Variants in FREM1 observed in about 807,000 individuals in gnomAD.
FREM1 encodes FRAS1-related extracellular matrix protein 1.
Under a neutral mutation model 210.1 loss-of-function variants are expected in FREM1, and 220 were observed. That is an observed-to-expected ratio of 1.05 (90% CI 0.94 to 1.17). The LOEUF is 1.17. Among genes scored for constraint, FREM1 ranks in the 50% most tolerant of loss-of-function variants. The pLI is 0.00. For synonymous variants in FREM1, 1,189 were observed against 980.2 expected, an observed-to-expected ratio of 1.21 and a Z score of -3.98; for missense variants, 3,454 against 2,675.5, an observed-to-expected ratio of 1.29 and a Z score of -6.42.
At position 14,868,733 on chromosome 9, in the gene FREM1, A is replaced by G. The variant is rs768872752; in HGVS notation, c.234+11T>C. On this transcript the variant is annotated intron_variant, in intron 2 of 36. Coordinates refer to ENST00000380880, the MANE Select transcript of FREM1 (RefSeq NM_001379081.2). ...CACACGACTGAACAGAAAATCGCAG[A>G]TAGGACCTACCTGTGGAGTGAGTTT... The G allele has an allele frequency of 3.4e-5, 53 of 1,560,872 alleles. No individual in the cohort carries two copies. The highest frequency in any genetic ancestry group is 2.6e-5 in the Non-Finnish European group (29 of 1,136,692).
chr9:14,812,050 T>C (rs763328681), intron 16 of FREM1, among the ~76,000 whole-genome samples: 2 of 152,172 alleles, frequency 1.3e-5, no homozygotes, highest in Non-Finnish European at 2.9e-5. Context: ...TGTGATGATG[T>C]GCAGTGTGTC....
In FREM1 at chr9:14,842,621, G is replaced by A. The variant is rs1825881686; in HGVS notation, c.1433C>T (p.Ala478Val). The change falls in exon 9 of 37, where the codon GCT becomes GTT. Residue 478 changes from alanine (A) to valine (V), a missense_variant. Ala to Val is a moderately conservative substitution (Grantham distance 64, BLOSUM62 0). Coordinates refer to ENST00000380880, the MANE Select transcript of FREM1 (RefSeq NM_001379081.2). ...GFLFTVADLQAGVVRYHHDDS... is the reference protein window; with the variant it reads ...GFLFTVADLQVGVVRYHHDDS... ...ATCATGATGATAGCGAACAACTCCA[G>A]CCTGGAGGTCAGCCACGGTGAAGAG... The A allele has an allele frequency of 9.3e-6, 15 of 1,613,896 alleles. No individual in the cohort carries two copies. The highest frequency in any genetic ancestry group is 1.1e-5 in the Non-Finnish European group (13 of 1,179,830).
chr9:14,760,116 A>G (rs1236706283), intron 27 of FREM1, among the ~76,000 whole-genome samples: 1 of 152,260 alleles, frequency 6.6e-6, no homozygotes, highest in East Asian at 1.9e-4. Context: ...AGACAGAGCA[A>G]GGATTAGAAT....
At chr9:14,841,619 T>C in intron 9 of FREM1, 30 bp from the exon 10 acceptor site, 2 of 1,527,260 alleles carry the variant, frequency 1.3e-6, no homozygotes, top group East Asian at 2.3e-5. Flanking sequence ...CCACATACTT[T>C]TGTACAAGCC....
chr9:14,755,901 G>C (rs1240469383), intron 29 of FREM1, among the ~76,000 whole-genome samples: 1 of 152,124 alleles, frequency 6.6e-6, no homozygotes, highest in African/African-American at 2.4e-5. Context: ...TTAAAACAAA[G>C]TAAGTGCTAC....
At chr9:14,860,490 A>T (rs1037616190) in intron 3 of FREM1, among the ~76,000 whole-genome samples, 1 of 149,348 alleles carries the variant, frequency 6.7e-6, no homozygotes, top group African/African-American at 2.5e-5. Flanking sequence ...TTTCTTTTTT[A>T]AATTTATTTT....
Position 14,792,272 on chromosome 9 carries a change from G to GCACACACACACA in FREM1, c.3981+459_3981+470dup, listed in dbSNP as rs34037291. On this transcript the variant is annotated intron_variant, in intron 22 of 36. Transcript: ENST00000380880. ...GAAATACACACACCCACACACACAC[G>GCACACACACACA]CACACACACACACACACACACACAC... is the stretch of plus-strand genomic sequence containing the variant. Among the ~76,000 whole-genome samples the GCACACACACACA allele has an allele frequency of 2.3e-3, 328 of 142,274 alleles. 1 individual carries two copies. The highest frequency in any genetic ancestry group is 8.1e-3 in the African/African-American group (303 of 37,406). The allele number at this position is 142,274 out of a possible 152,430, so 93.3% of individuals were successfully genotyped here. A position where few individuals can be genotyped will look rare whatever the true frequency, so the allele number is the denominator to read the frequency against.
At chr9:14,869,901 C>T (rs1435368472) in intron 1 of FREM1, among the ~76,000 whole-genome samples, 1 of 152,200 alleles carries the variant, frequency 6.6e-6, no homozygotes, top group Non-Finnish European at 1.5e-5. Context: ...AATGACACAG[C>T]ATATGGACAT....
At chr9:14,830,255 T>C (rs937177393) in intron 10 of FREM1, among the ~76,000 whole-genome samples, 5 of 152,174 alleles carry the variant, frequency 3.3e-5, no homozygotes, top group African/African-American at 1.2e-4. Flanking sequence ...AGCCTGAATA[T>C]GAAGACCAAG....
Position 14,780,433 on chromosome 9 carries a change from G to GAAAAGAAAAAAAAAAAA in FREM1, c.4442+3936_4442+3937insTTTTTTTTTTTTCTTTT, listed in dbSNP as rs1849463817. ...AATCATAAATAGCGCCAGCTCCTCA[G>GAAAAGAAAAAAAAAAAA]AAAAAAAAAAAAAAAAAGTCCAGCC... On this transcript the variant is annotated intron_variant, in intron 24 of 36. Coordinates refer to ENST00000380880, the MANE Select transcript of FREM1 (RefSeq NM_001379081.2). 9.8e-5 allele frequency among the ~76,000 whole-genome samples: 8 copies of GAAAAGAAAAAAAAAAAA among 81,536 alleles called. 1 individual carries two copies. Among genetic ancestry groups the GAAAAGAAAAAAAAAAAA allele is most frequent in the Non-Finnish European group, 2.0e-4 (8 of 39,162 alleles). The allele number at this position is 81,536 out of a possible 152,430, so 53.5% of individuals were successfully genotyped here.
At chr9:14,813,966 C>A (rs982183735) in intron 15 of FREM1, among the ~76,000 whole-genome samples, 2 of 152,208 alleles carry the variant, frequency 1.3e-5, no homozygotes, top group African/African-American at 4.8e-5. Context: ...GCTAGTATTT[C>A]TCTGGCCTTA....
chr9:14,871,746 T>C (rs1832721405), intron 1 of FREM1, among the ~76,000 whole-genome samples: 1 of 152,028 alleles, frequency 6.6e-6, no homozygotes, highest in Non-Finnish European at 1.5e-5. Context: ...ATGTCCTGAA[T>C]GGTAATACCT....
intron 27 of FREM1, among the ~76,000 whole-genome samples, chr9:14,765,394 T>G (rs1321478568): frequency 6.6e-6 from 1 of 152,234 alleles, no homozygotes; most frequent in Admixed American, 6.5e-5. Context: ...GGTCAGTTAC[T>G]CAGTCTCTCT....
At position 14,746,414 on chromosome 9, in the gene FREM1, G is replaced by C. The variant is rs1180392360; in HGVS notation, c.6193C>G (p.His2065Asp). Residue 2065 changes from histidine to aspartate, a missense_variant, in exon 35 of 37, where the codon CAC becomes GAC. His to Asp is a moderately conservative substitution (Grantham distance 81). Transcript: ENST00000380880. Reference protein sequence around the residue: ...AGWHQHSGYCHILITEQKGTW... With the variant: ...AGWHQHSGYCDILITEQKGTW... The stretch of plus-strand genomic sequence containing the variant: ...CCTTTCTGCTCTGTGATCAAGATGT[G>C]ACAGTAGCCTGAGTGCTGGTGCCAC... The C allele has an allele frequency of 1.2e-6, 2 of 1,613,902 alleles. No individual in the cohort carries two copies. Among genetic ancestry groups the C allele is most frequent in the Non-Finnish European group, 1.7e-6 (2 of 1,179,792 alleles).
chr9:14,756,440 G>C lies in FREM1; in HGVS notation c.5341C>G (p.Gln1781Glu). 6.3e-7 allele frequency: 1 copy of C among 1,595,302 alleles called. No homozygotes were observed. The highest frequency in any genetic ancestry group is 8.5e-7 in the Non-Finnish European group (1 of 1,170,112). ...TCTTTTCCAACTGCAGCTGACACTT[G>C]GTTGACCTTAGGAGGGAAAAAAAAA... ...DSAFVGIKVN[Q>E]VSAAVGKDFT... Residue 1781 changes from glutamine to glutamate, a missense_variant, in exon 29 of 37, where the codon CAA (glutamine) becomes GAA (glutamate). Coordinates refer to ENST00000380880, the MANE Select transcript of FREM1 (RefSeq NM_001379081.2).
Position 14,801,821 on chromosome 9 carries a change from G to C in FREM1, c.3525C>G (p.Asp1175Glu), listed in dbSNP as rs769946861. The C allele has an allele frequency of 6.2e-7, 1 of 1,613,922 alleles. No individual in the cohort carries two copies. Among genetic ancestry groups the C allele is most frequent in the East Asian group, 2.2e-5 (1 of 44,880 alleles). The change falls in exon 20 of 37, where the codon GAC becomes GAG. Residue 1175 changes from aspartate to glutamate, a missense_variant. By Grantham distance (45) the Asp-to-Glu change is conservative. Transcript: ENST00000380880. ...GCAGGGCATCCTGGGGAATGTCCAG[G>C]TCCACAGCGCTGATGATGGAAGAGT... ...ELDSSIISAVDLDIPQDALLF... is the reference protein window; with the variant it reads ...ELDSSIISAVELDIPQDALLF...
rs747401637 is a variant in FREM1 at position 14,812,941 on chromosome 9, C to T, written c.2764G>A (p.Asp922Asn). Residue 922 changes from aspartate to asparagine, a missense_variant, in exon 16 of 37, where the codon GAT (aspartate) becomes AAT (asparagine). Coordinates refer to ENST00000380880, the MANE Select transcript of FREM1 (RefSeq NM_001379081.2). Reference sequence around the variant, plus strand: ...ATCACAAACATCAACTTCAAGTTATCGCTGTCCACATCAGTAGCAAAAATG... The same window carrying T: ...ATCACAAACATCAACTTCAAGTTATTGCTGTCCACATCAGTAGCAAAAATG... ...EYIFATDVDS[D>N]NLKLMFVIAR... 47 of 1,613,948 alleles carry T rather than the reference C, an allele frequency of 2.9e-5. No homozygotes were observed. The South Asian group carries it at 3.2e-4, about 11-fold the overall frequency.
intron 10 of FREM1, among the ~76,000 whole-genome samples, chr9:14,831,271 C>A (rs1017441224): frequency 6.6e-6 from 1 of 152,194 alleles, no homozygotes; most frequent in Non-Finnish European, 1.5e-5. Flanking sequence ...TTTCTGTCCG[C>A]AGCCTCTTAC....
intron 5 of FREM1, 141 bp downstream of exon 5, chr9:14,857,412 C>T: frequency 1.3e-6 from 1 of 776,596 alleles, no homozygotes; most frequent in Non-Finnish European, 2.3e-6. Flanking sequence ...AACAAGCCTG[C>T]AGTTCCAATG....
Sources: allele counts gnomAD v4.1 joint callset (sites outside exome capture counted in the v4.1 genomes callset), GRCh38; gene constraint gnomAD v4.1.1; transcripts MANE v1.5; gene names NCBI Gene and HGNC (gene_info 2026-07-23, HGNC 2026-07-21).